TRDMT1: variants seen among roughly 807,000 people sequenced by gnomAD.
TRDMT1 encodes the protein tRNA aspartic acid methyltransferase 1.
Under a neutral mutation model 51.2 loss-of-function variants are expected in TRDMT1, and 49 were observed. The ratio of observed to expected loss-of-function variants is 0.96; its 90% CI spans 0.76 to 1.21. TRDMT1 has a LOEUF of 1.21. Among genes scored for constraint, TRDMT1 ranks in the 50% most tolerant of loss-of-function variants. The pLI is 0.00. For missense variants in TRDMT1, 534 were observed against 462.3 expected, an observed-to-expected ratio of 1.16 and a Z score of -1.42; for synonymous variants, 187 against 164.6, an observed-to-expected ratio of 1.14 and a Z score of -1.04.
chr10:17,169,446 G>A, intron 2 of TRDMT1: 8 of 1,289,426 alleles, frequency 6.2e-6, no homozygotes, highest in Non-Finnish European at 8.1e-6. Flanking sequence ...TTTTGCAGTT[G>A]TGTGCAATGA....
At chr10:17,181,742 T>C (rs1843308337) in intron 1 of TRDMT1, among the ~76,000 whole-genome samples, 1 of 152,168 alleles carries the variant, frequency 6.6e-6, no homozygotes, top group Admixed American at 6.5e-5. Context: ...ATGTTACAAA[T>C]GTCTTAAATA....
chr10:17,174,400 T>C (rs959437073), intron 2 of TRDMT1, 151 bp downstream of exon 2: 5 of 535,666 alleles, frequency 9.3e-6, no homozygotes, highest in African/African-American at 7.9e-5. Flanking sequence ...TATCTTCTGA[T>C]AGGATATAAA....
intron 1 of TRDMT1, among the ~76,000 whole-genome samples, chr10:17,192,746 T>C (rs1235364371): frequency 6.6e-6 from 1 of 152,192 alleles, no homozygotes; most frequent in African/African-American, 2.4e-5. Flanking sequence ...GGAAAGATGT[T>C]GTGTGGAGAG....
chr10:17,161,960 C>T (rs1009505250), intron 4 of TRDMT1, among the ~76,000 whole-genome samples: 2 of 152,208 alleles, frequency 1.3e-5, no homozygotes, highest in African/African-American at 4.8e-5. Flanking sequence ...CTGTGATTCC[C>T]TGTCACTCAC....
chr10:17,194,402 T>C (rs1439845113), intron 1 of TRDMT1, among the ~76,000 whole-genome samples: 1 of 152,034 alleles, frequency 6.6e-6, no homozygotes, highest in African/African-American at 2.4e-5. Context: ...ATTTGCAAAC[T>C]ATGCATCTGG....
rs1837502226 is a variant in TRDMT1, at chr10:17,138,885, G to A, written c.*10155C>T. ...GAGGAGGAGCACAGGGGTGTTCGTGGCACATGTATACACACGTGTGCACAC... is the reference window on the plus strand; with the variant it reads ...GAGGAGGAGCACAGGGGTGTTCGTGACACATGTATACACACGTGTGCACAC... On this transcript the variant is annotated 3_prime_UTR_variant, in exon 11 of 11. Coordinates refer to ENST00000377799, the MANE Select transcript of TRDMT1 (RefSeq NM_004412.7). Among the ~76,000 whole-genome samples, 1 of 152,100 alleles carries A rather than the reference G, an allele frequency of 6.6e-6. No homozygotes were observed. Among genetic ancestry groups the A allele is most frequent in the African/African-American group, 2.4e-5 (1 of 41,410 alleles).
At chr10:17,200,722 T>C (rs1371492320) in intron 1 of TRDMT1, among the ~76,000 whole-genome samples, 2 of 151,950 alleles carry the variant, frequency 1.3e-5, no homozygotes, top group African/African-American at 4.8e-5. Flanking sequence ...AACTTTCAGT[T>C]CCAACTCAGC....
chr10:17,176,728 T>C (rs938988311), intron 1 of TRDMT1, among the ~76,000 whole-genome samples: 7 of 152,188 alleles, frequency 4.6e-5, no homozygotes, highest in African/African-American at 1.7e-4. Flanking sequence ...AGGTTAAACT[T>C]ACAGATAAGT....
At chr10:17,193,373 T>A (rs1237575603) in intron 1 of TRDMT1, among the ~76,000 whole-genome samples, 1 of 152,148 alleles carries the variant, frequency 6.6e-6, no homozygotes, top group Non-Finnish European at 1.5e-5. Flanking sequence ...ACGATCTCTC[T>A]TTGCAGATGA....
chr10:17,193,447 C>T (rs1302541550), intron 1 of TRDMT1, among the ~76,000 whole-genome samples: 17 of 152,162 alleles, frequency 1.1e-4, no homozygotes, highest in Admixed American at 1.1e-3. Context: ...TAATAAATGA[C>T]TTCATCAAAG....
chr10:17,172,971 TAAAAC>T (rs1277990290), intron 2 of TRDMT1, among the ~76,000 whole-genome samples: 1 of 151,702 alleles, frequency 6.6e-6, no homozygotes, highest in Non-Finnish European at 1.5e-5. Context: ...AACAGGAAAA[TAAAAC>T]AAAGATAGAT....
chr10:17,198,858 CA>C (rs140497004), intron 1 of TRDMT1, among the ~76,000 whole-genome samples: 2,567 of 152,192 alleles, frequency 0.017, 36 homozygotes, highest in Non-Finnish European at 0.027. Context: ...AGAAATCAGT[CA>C]AAAATGAAGT....
At chr10:17,151,159 G>C in intron 10 of TRDMT1, 1 of 749,124 alleles carries the variant, frequency 1.3e-6, no homozygotes, top group Non-Finnish European at 1.6e-6. Context: ...AGTAATTGAA[G>C]TTTTTGCCAC....
intron 1 of TRDMT1, chr10:17,201,346 G>T: frequency 2.0e-6 from 1 of 511,696 alleles, no homozygotes; most frequent in Non-Finnish European, 3.4e-6. Flanking sequence ...GGCGCCATGT[G>T]CGGCCCCTCG....
At position 17,146,447 on chromosome 10, in the gene TRDMT1, T is replaced by A; in HGVS notation, c.*2593A>T. 1 of 985,458 alleles carries A rather than the reference T, an allele frequency of 1.0e-6. No homozygotes were observed. The highest frequency in any genetic ancestry group is 1.2e-6 in the Non-Finnish European group (1 of 829,942). 61.0% of individuals were successfully genotyped at this position (985,458 alleles called of 1,614,324 possible). ...AGGCTCTGACCCCTCCTACAATGAC[T>A]ACCCACCTCTTCGAAATCATTTTCC... On this transcript the variant is annotated 3_prime_UTR_variant, in exon 11 of 11. Coordinates refer to ENST00000377799, the MANE Select transcript of TRDMT1 (RefSeq NM_004412.7).
At chr10:17,154,056 T>G (rs12773642) in intron 9 of TRDMT1, among the ~76,000 whole-genome samples, 2 of 152,062 alleles carry the variant, frequency 1.3e-5, no homozygotes, top group East Asian at 3.8e-4. Context: ...CTTAAAATGA[T>G]TAAATATATT....
intron 10 of TRDMT1, chr10:17,150,259 G>T: frequency 5.9e-6 from 2 of 340,110 alleles, no homozygotes; most frequent in Non-Finnish European, 8.3e-6. Flanking sequence ...TGTGCTTATT[G>T]GCCATTTATC....
chr10:17,166,494 A>G (rs1471423559), intron 3 of TRDMT1, among the ~76,000 whole-genome samples: 2 of 152,160 alleles, frequency 1.3e-5, no homozygotes, highest in Non-Finnish European at 2.9e-5. Context: ...CGTTGTGCAC[A>G]TGTACCCTAA....
chr10:17,156,462 T>C (rs1045459936), intron 8 of TRDMT1, among the ~76,000 whole-genome samples: 1 of 152,106 alleles, frequency 6.6e-6, no homozygotes, highest in African/African-American at 2.4e-5. Flanking sequence ...CTCAAACTCC[T>C]GACCTCAGGT....
Sources: gnomAD v4.1 joint callset for allele counts (sites outside exome capture counted in the v4.1 genomes callset) on GRCh38, gnomAD v4.1.1 for gene constraint, MANE v1.5 for transcripts, NCBI Gene and HGNC (gene_info 2026-07-23, HGNC 2026-07-21) for gene names.